EPB41L2: variants seen among roughly 807,000 people sequenced by gnomAD.
EPB41L2 encodes band 4.1-like protein 2.
A neutral mutation model predicts 113.0 loss-of-function variants in EPB41L2; 43 were observed. That is an observed-to-expected ratio of 0.38 (90% CI 0.30 to 0.49). EPB41L2 has a LOEUF of 0.49. Ranked by LOEUF, EPB41L2 falls within the 20% of genes least tolerant of loss-of-function variation. EPB41L2 has a pLI of 0.95. For synonymous variants in EPB41L2, 442 were observed against 436.7 expected, an observed-to-expected ratio of 1.01 and a Z score of -0.15; for missense variants, 1,147 against 1,223.4, an observed-to-expected ratio of 0.94 and a Z score of 0.93.
At chr6:131,027,992 C>T (rs1791249828) in intron 1 of EPB41L2, among the ~76,000 whole-genome samples, 1 of 152,058 alleles carries the variant, frequency 6.6e-6, no homozygotes, top group Non-Finnish European at 1.5e-5. Context: ...AAGCAAATAC[C>T]AGTAAACAGA....
intron 1 of EPB41L2, among the ~76,000 whole-genome samples, chr6:131,058,361 T>G (rs1322608734): frequency 6.6e-6 from 1 of 152,146 alleles, no homozygotes; most frequent in Non-Finnish European, 1.5e-5. Flanking sequence ...TGGAAATATA[T>G]AGCCTATCTA....
chr6:131,046,868 A>C (rs951651446), intron 1 of EPB41L2, among the ~76,000 whole-genome samples: 3 of 152,206 alleles, frequency 2.0e-5, no homozygotes, highest in African/African-American at 7.2e-5. Context: ...TGATTAAATT[A>C]TACCCTAATG....
At chr6:131,043,015 G>A (rs549633082) in intron 1 of EPB41L2, among the ~76,000 whole-genome samples, 1 of 152,204 alleles carries the variant, frequency 6.6e-6, no homozygotes, top group East Asian at 1.9e-4. Flanking sequence ...TAAGAAATCC[G>A]AGGCTGGGCA....
chr6:130,850,830 G>A (rs1381066682), intron 19 of EPB41L2, among the ~76,000 whole-genome samples: 7 of 152,192 alleles, frequency 4.6e-5, no homozygotes, highest in Non-Finnish European at 8.8e-5. Context: ...TAGAGCAGTG[G>A]TACCCAGCAC....
At chr6:130,844,936 G>A (rs1423946523) in intron 19 of EPB41L2, among the ~76,000 whole-genome samples, 2 of 152,144 alleles carry the variant, frequency 1.3e-5, no homozygotes, top group Non-Finnish European at 2.9e-5. Context: ...CCAGCTACTG[G>A]GGGGCTGAGG....
intron 1 of EPB41L2, among the ~76,000 whole-genome samples, chr6:130,988,872 T>C (rs1336606155): frequency 6.6e-6 from 1 of 152,186 alleles, no homozygotes; most frequent in Non-Finnish European, 1.5e-5. Flanking sequence ...GCGGATCACC[T>C]GAGGTCAGGA....
chr6:130,997,925 A>C (rs1044340979), intron 1 of EPB41L2, among the ~76,000 whole-genome samples: 1 of 151,970 alleles, frequency 6.6e-6, no homozygotes, highest in African/African-American at 2.4e-5. Context: ...TGCAAATAAA[A>C]TTATAACTAA....
At chr6:131,052,304 A>T (rs1015949534) in intron 1 of EPB41L2, among the ~76,000 whole-genome samples, 1 of 152,184 alleles carries the variant, frequency 6.6e-6, no homozygotes, top group African/African-American at 2.4e-5. Flanking sequence ...ATAAACTCCT[A>T]ACTTTTTGTC....
intron 14 of EPB41L2, among the ~76,000 whole-genome samples, chr6:130,875,468 G>C (rs1017739397): frequency 1.3e-5 from 2 of 152,026 alleles, no homozygotes; most frequent in African/African-American, 4.8e-5. Flanking sequence ...GCTCCCCCTT[G>C]CTCACCAAGC....
At chr6:130,948,687 G>A (rs147728494) in intron 3 of EPB41L2, among the ~76,000 whole-genome samples, 11 of 151,548 alleles carry the variant, frequency 7.3e-5, no homozygotes, top group Non-Finnish European at 1.0e-4. Context: ...ATGTTTAAAC[G>A]CAAAAAAAAG....
intron 3 of EPB41L2, among the ~76,000 whole-genome samples, chr6:130,937,590 G>A (rs1019487848): frequency 6.6e-6 from 1 of 152,222 alleles, no homozygotes; most frequent in African/African-American, 2.4e-5. Context: ...GGAGGCCGAA[G>A]CAGGTGGACC....
At chr6:130,993,730 G>T (rs1239035543) in intron 1 of EPB41L2, among the ~76,000 whole-genome samples, 1 of 152,154 alleles carries the variant, frequency 6.6e-6, no homozygotes, top group Non-Finnish European at 1.5e-5. Context: ...GAGGAGGGAG[G>T]AGTTATTCAT....
chr6:130,905,236 A>T (rs1223127818), intron 5 of EPB41L2, among the ~76,000 whole-genome samples: 1 of 152,134 alleles, frequency 6.6e-6, no homozygotes, highest in Non-Finnish European at 1.5e-5. Flanking sequence ...TTTATACGTA[A>T]AATTTAACTG....
chr6:130,926,776 CATCAT>C, intron 3 of EPB41L2, 67 bp from the exon 4 acceptor site: 1 of 896,746 alleles, frequency 1.1e-6, no homozygotes, highest in Non-Finnish European at 1.7e-6. Context: ...AAATTTAAGA[CATCAT>C]ATCAGATACA....
intron 18 of EPB41L2, among the ~76,000 whole-genome samples, chr6:130,862,522 G>A (rs1782466203): frequency 1.3e-5 from 2 of 152,146 alleles, no homozygotes; most frequent in African/African-American, 2.4e-5. Flanking sequence ...CTGGAGGCTT[G>A]TTTCCACATA....
intron 1 of EPB41L2, among the ~76,000 whole-genome samples, chr6:131,001,560 A>G (rs1290432755): frequency 2.0e-5 from 3 of 152,038 alleles, no homozygotes; most frequent in Non-Finnish European, 2.9e-5. Context: ...TTTCTCCAAC[A>G]CTTAAGCTGT....
chr6:130,910,159 T>A (rs960503645), intron 4 of EPB41L2, among the ~76,000 whole-genome samples: 5 of 152,204 alleles, frequency 3.3e-5, no homozygotes, highest in African/African-American at 1.2e-4. Flanking sequence ...CAAAACAGCA[T>A]GGTACTGGTA....
intron 1 of EPB41L2, among the ~76,000 whole-genome samples, chr6:131,027,901 G>C (rs180888783): frequency 6.6e-6 from 1 of 152,264 alleles, no homozygotes; most frequent in Non-Finnish European, 1.5e-5. Flanking sequence ...TCTCTCATAA[G>C]TGCCTAAGCA....
chr6:130,904,387 T>A, intron 6 of EPB41L2, 78 bp downstream of exon 6: 1 of 970,192 alleles, frequency 1.0e-6, no homozygotes, highest in East Asian at 2.6e-5. Flanking sequence ...ATCCTGAAAT[T>A]ACCACTATGC....
Sources: allele counts gnomAD v4.1 joint callset (sites outside exome capture counted in the v4.1 genomes callset), GRCh38; gene constraint gnomAD v4.1.1; transcripts MANE v1.5; gene names NCBI Gene and HGNC (gene_info 2026-07-23, HGNC 2026-07-21).